HMCN2: variants seen among roughly 807,000 people sequenced by gnomAD.
The protein encoded by HMCN2 is hemicentin 2.
Under a neutral mutation model 377.5 loss-of-function variants are expected in HMCN2, and 325 were observed. That is an observed-to-expected ratio of 0.86 (90% CI 0.79 to 0.94). The LOEUF is 0.94. HMCN2 is among the 40% of genes least tolerant of loss of function. HMCN2 has a pLI of 0.00. For missense variants in HMCN2, 4,543 were observed against 4,725.3 expected (o/e 0.96, Z 1.13); for synonymous variants, 2,007 against 2,046.8 (o/e 0.98, Z 0.53).
At chr9:130,359,450 G>C in intron 37 of HMCN2, 36 bp downstream of exon 37, 1 of 1,177,388 alleles carries the variant, frequency 8.5e-7, no homozygotes, top group Non-Finnish European at 1.1e-6. Flanking sequence ...GCTACTTCCA[G>C]CCCAATTTAC....
intron 22 of HMCN2, among the ~76,000 whole-genome samples, chr9:130,328,616 A>G (rs957177814): frequency 5.4e-5 from 8 of 148,738 alleles, no homozygotes; most frequent in African/African-American, 2.0e-4. Context: ...GGAGATTCTG[A>G]GAGTTTATCT....
At chr9:130,389,000 C>T (rs966558709) in intron 62 of HMCN2, among the ~76,000 whole-genome samples, 3 of 152,208 alleles carry the variant, frequency 2.0e-5, no homozygotes, top group African/African-American at 4.8e-5. Flanking sequence ...ACCGTTCCTC[C>T]GCATGACGGC....
At chr9:130,309,812 C>T (rs1837124369) in intron 14 of HMCN2, 100 bp from the exon 15 acceptor site, 1 of 351,106 alleles carries the variant, frequency 2.8e-6, no homozygotes, top group Admixed American at 3.8e-5. Context: ...AGGCCCCAAC[C>T]TTGTGCAGCC....
chr9:130,426,959 C>T lies in HMCN2; in HGVS notation c.13880-354C>T, dbSNP rs540710650. On this transcript the variant is annotated intron_variant, in intron 90 of 97. Transcript: ENST00000683500. Reference sequence around the variant, plus strand: ...GCCTTTGCTTTTGCTGCCCGTCTGACGCTATCCTCTGCCCCTCCGCACGGT... The same window carrying T: ...GCCTTTGCTTTTGCTGCCCGTCTGATGCTATCCTCTGCCCCTCCGCACGGT... 2.8e-4 allele frequency among the ~76,000 whole-genome samples: 42 copies of T among 152,302 alleles called. 1 individual carries two copies. In the South Asian group the frequency reaches 5.6e-3, roughly 20 times the overall value.
intron 15 of HMCN2, among the ~76,000 whole-genome samples, chr9:130,317,559 A>G (rs1837629236): frequency 1.4e-5 from 2 of 148,056 alleles, no homozygotes; most frequent in South Asian, 4.5e-4. Context: ...CAGTGGTGCT[A>G]TCTCGGCTCC....
chr9:130,390,221 G>A (rs569682140), intron 62 of HMCN2, among the ~76,000 whole-genome samples: 69 of 152,242 alleles, frequency 4.5e-4, no homozygotes, highest in African/African-American at 1.5e-3. Flanking sequence ...ACGTCTCAGC[G>A]GAGATTCACC....
chr9:130,326,629 A>G (rs1475633812), intron 21 of HMCN2, among the ~76,000 whole-genome samples: 1 of 152,080 alleles, frequency 6.6e-6, no homozygotes, highest in African/African-American at 2.4e-5. Context: ...TTTGAACTAC[A>G]AATGTACGGG....
intron 19 of HMCN2, among the ~76,000 whole-genome samples, chr9:130,325,096 C>CTTTTTTTTTTTT (rs878863979): frequency 2.3e-5 from 3 of 128,066 alleles, no homozygotes; most frequent in Admixed American, 8.5e-5. Context: ...TCTTCTTCTT[C>CTTTTTTTTTTTT]TTTTTTTTTT....
chr9:130,384,884 G>A, intron 59 of HMCN2, 86 bp downstream of exon 59: 1 of 921,944 alleles, frequency 1.1e-6, no homozygotes, highest in Middle Eastern at 2.6e-4. Context: ...ACATAGACAG[G>A]AGAGGGCCAG....
At chr9:130,372,270 G>A (rs1841064125) in intron 46 of HMCN2, 24 bp from the exon 47 acceptor site, 1 of 937,358 alleles carries the variant, frequency 1.1e-6, no homozygotes, top group African/African-American at 1.8e-5. Context: ...GCCATGCTTG[G>A]GGCCCACGCC....
At chr9:130,376,679 G>A (rs940053716) in intron 52 of HMCN2, 21 bp downstream of exon 52, 20 of 985,622 alleles carry the variant, frequency 2.0e-5, no homozygotes, top group African/African-American at 1.4e-4. Flanking sequence ...GACCCCCTGC[G>A]CAGCTTCTGG....
intron 62 of HMCN2, among the ~76,000 whole-genome samples, chr9:130,390,232 A>G (rs895872089): frequency 2.7e-5 from 4 of 150,918 alleles, no homozygotes; most frequent in African/African-American, 9.8e-5. Context: ...GAGATTCACC[A>G]CCTCTGGAAG....
chr9:130,392,766 G>A (rs1342629458), intron 66 of HMCN2, among the ~76,000 whole-genome samples: 8 of 152,168 alleles, frequency 5.3e-5, no homozygotes, highest in African/African-American at 1.7e-4. Flanking sequence ...GGAGGCCAAG[G>A]CGGGCAGATT....
chr9:130,353,230 C>G lies in HMCN2; in HGVS notation c.4864+25C>G, dbSNP rs901548652. ...GGTGAGCAGCCAGGGGCCACGGCAGCCGGGGTGGGCAGTGGGAGGGACTCA... is the reference window on the plus strand; with the variant it reads ...GGTGAGCAGCCAGGGGCCACGGCAGGCGGGGTGGGCAGTGGGAGGGACTCA... On this transcript the variant is annotated intron_variant, in intron 31 of 97. Coordinates refer to ENST00000683500, the MANE Select transcript of HMCN2 (RefSeq NM_001291815.2). The G allele has an allele frequency of 1.4e-4, 188 of 1,298,070 alleles. No individual in the cohort carries two copies. In the African/African-American group the frequency reaches 2.6e-3, roughly 18 times the overall value. 80.4% of individuals were successfully genotyped at this position (1,298,070 alleles called of 1,614,324 possible). A position where few individuals can be genotyped will look rare whatever the true frequency, so the allele number is the denominator to read the frequency against.
chr9:130,399,851 G>A (rs1010722438), intron 76 of HMCN2, among the ~76,000 whole-genome samples: 5 of 152,150 alleles, frequency 3.3e-5, no homozygotes, highest in East Asian at 1.9e-4. Flanking sequence ...GAGGCCCCTC[G>A]CAAATCCAGA....
chr9:130,397,625 G>T lies in HMCN2; in HGVS notation c.11296G>T (p.Asp3766Tyr), dbSNP rs533291634. The change falls in exon 74 of 98, where the codon GAT (aspartate) becomes TAT (tyrosine). Residue 3766 changes from aspartate (D) to tyrosine (Y), a missense_variant. This residue lies in a region of HMCN2 where 1,073 missense variants were observed against 1,319.5 expected (regional missense o/e 0.81). Transcript: ENST00000683500. ...CCTGGCATCCAACTCTGCTGGCTCC[G>T]ATCGTCAAGGCCGTGACCTACGGGT... Reference protein sequence around the residue: ...LCLASNSAGSDRQGRDLRVLE... With the variant: ...LCLASNSAGSYRQGRDLRVLE... The T allele has an allele frequency of 7.8e-7, 1 of 1,289,828 alleles. No homozygotes were observed. Among genetic ancestry groups the T allele is most frequent in the Non-Finnish European group, 1.0e-6 (1 of 988,888 alleles). The allele number at this position is 1,289,828 out of a possible 1,614,324, so 79.9% of individuals were successfully genotyped here.
rs557635887 is a variant in HMCN2 at position 130,282,848 on chromosome 9, A to G, written c.260-1755A>G. Among the ~76,000 whole-genome samples, 38 of 152,326 alleles carry G rather than the reference A, an allele frequency of 2.5e-4. 1 individual carries two copies. In the South Asian group the frequency reaches 7.0e-3, roughly 28 times the overall value. ...CACTTTGGGAGGCTGAGGTGGGAGC[A>G]TCACTTGAGGTCAGGAGTTCAAGAC... On this transcript the variant is annotated intron_variant, in intron 1 of 97. Coordinates refer to ENST00000683500, the MANE Select transcript of HMCN2 (RefSeq NM_001291815.2).
intron 1 of HMCN2, among the ~76,000 whole-genome samples, chr9:130,268,721 G>C (rs1834252702): frequency 6.7e-6 from 1 of 149,214 alleles, no homozygotes; most frequent in African/African-American, 2.4e-5. Context: ...GGGGCATGTG[G>C]AGCTGGCTGG....
At position 130,375,701 on chromosome 9, in the gene HMCN2, C is replaced by G. The variant is rs574379879; in HGVS notation, c.7769C>G (p.Pro2590Arg). 15 of 985,814 alleles carry G rather than the reference C, an allele frequency of 1.5e-5. No individual in the cohort carries two copies. The highest frequency in any genetic ancestry group is 5.2e-5 in the African/African-American group (3 of 57,236). 61.1% of individuals were successfully genotyped at this position (985,814 alleles called of 1,614,324 possible). The change falls in exon 50 of 98, where the codon CCG becomes CGG. Residue 2590 changes from proline to arginine, a missense_variant. Transcript: ENST00000683500. Reference protein sequence around the residue: ...PNITWMKDGAPFEASRNIQLL... With the variant: ...PNITWMKDGARFEASRNIQLL... Reference sequence around the variant, plus strand: ...ATCACCTGGATGAAGGACGGGGCCCCGTTTGAGGCCTCCAGGAACATCCAG... The same window carrying G: ...ATCACCTGGATGAAGGACGGGGCCCGGTTTGAGGCCTCCAGGAACATCCAG...
Sources: gnomAD v4.1 joint callset for allele counts (sites outside exome capture counted in the v4.1 genomes callset) on GRCh38, gnomAD v4.1.1 for gene constraint, gnomAD v4.1.1 regional missense constraint, MANE v1.5 for transcripts, NCBI Gene and HGNC (gene_info 2026-07-23, HGNC 2026-07-21) for gene names.